The following LMOD1 variants were observed in gnomAD, a reference collection of about 807,000 sequenced individuals.
LMOD1 encodes leiomodin 1, also known as leiomodin-1.
LMOD1 carries 8 observed loss-of-function variants against 36.5 expected under a neutral mutation model. The observed-to-expected ratio is 0.22, with a 90% CI of 0.13 to 0.40. The LOEUF (loss-of-function observed/expected upper bound fraction) is 0.40. LMOD1 is among the 10% of genes least tolerant of loss of function. LMOD1 has a pLI of 1.00. For synonymous variants in LMOD1, 284 were observed against 288.7 expected (o/e 0.98, Z 0.17); for missense variants, 630 against 751.1 (o/e 0.84, Z 1.88).
chr1:201,932,325 A>G (rs1319200907), intron 1 of LMOD1, among the ~76,000 whole-genome samples: 1 of 152,184 alleles, frequency 6.6e-6, no homozygotes, highest in Non-Finnish European at 1.5e-5. Flanking sequence ...GAACAGATGA[A>G]TCCTGAGGTA....
intron 1 of LMOD1, among the ~76,000 whole-genome samples, chr1:201,901,546 A>ATATACATATATATATGTG (rs1681308643): frequency 2.3e-5 from 1 of 43,666 alleles, no homozygotes; most frequent in African/African-American, 1.2e-4. Flanking sequence ...ATATATATAT[A>ATATACATATATATATGTG]TATATACATA....
chr1:201,919,579 C>A (rs1020240830), intron 1 of LMOD1, among the ~76,000 whole-genome samples: 3 of 152,146 alleles, frequency 2.0e-5, no homozygotes, highest in Non-Finnish European at 4.4e-5. Context: ...CTGTATAAAG[C>A]AAGGTGACCC....
rs112766442 is a variant in LMOD1 at position 201,926,382 on chromosome 1, G to C, written c.261+19698C>G. On this transcript the variant is annotated intron_variant, in intron 1 of 2. Coordinates refer to ENST00000367288, the MANE Select transcript of LMOD1 (RefSeq NM_012134.3). ...AACTGTTCTGTTTATCATCTTGTTT[G>C]GCTGACTCCATCTCTCTGGGGATGG... Among the ~76,000 whole-genome samples the C allele has an allele frequency of 9.4e-3, 1,432 of 152,224 alleles. 28 individuals are homozygous for C. The highest frequency in any genetic ancestry group is 0.033 in the African/African-American group (1,370 of 41,516).
At chr1:201,928,188 A>C (rs1681861344) in intron 1 of LMOD1, among the ~76,000 whole-genome samples, 1 of 152,214 alleles carries the variant, frequency 6.6e-6, no homozygotes, top group Admixed American at 6.5e-5. Context: ...ACTTCTCTTC[A>C]TTATAAATCA....
In LMOD1 at chr1:201,918,650, G is replaced by A. The variant is rs563609206; in HGVS notation, c.262-17899C>T. On this transcript the variant is annotated intron_variant, in intron 1 of 2. Transcript: ENST00000367288. The stretch of plus-strand genomic sequence containing the variant: ...TGTCCTCTCGCTTTCTTCTCTGCCT[G>A]GCTAACACTTCTTCTTTTGTTCCTC... 1.6e-4 allele frequency among the ~76,000 whole-genome samples: 24 copies of A among 152,204 alleles called. No individual in the cohort carries two copies. In the South Asian group the frequency reaches 5.0e-3, roughly 32 times the overall value.
intron 1 of LMOD1, among the ~76,000 whole-genome samples, chr1:201,908,076 C>G (rs969019257): frequency 3.3e-5 from 5 of 152,198 alleles, no homozygotes; most frequent in Admixed American, 6.5e-5. Flanking sequence ...GCAGCCTCCC[C>G]CAAAAGGCCA....
chr1:201,933,270 C>T (rs1681956654), intron 1 of LMOD1, among the ~76,000 whole-genome samples: 2 of 151,744 alleles, frequency 1.3e-5, no homozygotes, highest in Non-Finnish European at 2.9e-5. Flanking sequence ...AAAAATTAGC[C>T]AGGCTTGGTG....
intron 1 of LMOD1, among the ~76,000 whole-genome samples, chr1:201,927,501 G>T (rs920051365): frequency 1.3e-5 from 2 of 151,912 alleles, no homozygotes; most frequent in Non-Finnish European, 2.9e-5. Context: ...AGAAGGCAGA[G>T]GTTGCAGTGA....
intron 1 of LMOD1, among the ~76,000 whole-genome samples, chr1:201,912,586 C>T (rs1185582505): frequency 2.0e-5 from 3 of 152,276 alleles, no homozygotes; most frequent in South Asian, 2.1e-4. Context: ...CAGCCAGGTG[C>T]GGTGGCTCAT....
intron 1 of LMOD1, among the ~76,000 whole-genome samples, chr1:201,924,724 A>AGAAG (rs1476065654): frequency 9.6e-5 from 13 of 135,202 alleles, no homozygotes; most frequent in African/African-American, 2.8e-4. Flanking sequence ...AAAGAAAGAA[A>AGAAG]GAAAGAAAAG....
At position 201,899,289 on chromosome 1, in the gene LMOD1, CG is replaced by C. The variant is rs1681247391; in HGVS notation, c.1723del (p.Arg575ValfsTer58). ...GCGGATGGCAGCCAATAGCTGGTCA[CG>C]GGAGTTCTTCTCCTGGGCAGGGAGG... ...KVLPAQEKNS[R>X]DQLLAAIRSS... is the part of the protein sequence containing the mutation. On this transcript the variant is annotated frameshift_variant, in exon 2 of 3. Coordinates refer to ENST00000367288, the MANE Select transcript of LMOD1 (RefSeq NM_012134.3). LOFTEE classifies it high-confidence loss of function. This position sits in a 1 kb window ranked among gnomAD's most constrained non-coding sequence, Gnocchi z 6.3. 6.2e-7 allele frequency: 1 copy of C among 1,606,956 alleles called. No individual in the cohort carries two copies.
intron 1 of LMOD1, among the ~76,000 whole-genome samples, chr1:201,919,297 TG>T (rs1428651608): frequency 6.6e-6 from 1 of 151,868 alleles, no homozygotes; most frequent in Non-Finnish European, 1.5e-5. Flanking sequence ...CTCCGCCTCC[TG>T]GGTTCAAGCA....
chr1:201,943,319 A>G (rs1017200358), intron 1 of LMOD1, among the ~76,000 whole-genome samples: 4 of 152,268 alleles, frequency 2.6e-5, no homozygotes, highest in African/African-American at 9.6e-5. Flanking sequence ...AAAAATACAC[A>G]TCTCCCAAGA....
At chr1:201,921,483 A>G in intron 1 of LMOD1, among the ~76,000 whole-genome samples, 1 of 52,106 alleles carries the variant, frequency 1.9e-5, no homozygotes, top group Admixed American at 3.0e-4. Context: ...GTGAGACTCC[A>G]TCTCAAAAAA....
At position 201,933,583 on chromosome 1, in the gene LMOD1, C is replaced by T. The variant is rs1304033356; in HGVS notation, c.261+12497G>A. 4.7e-3 allele frequency among the ~76,000 whole-genome samples: 548 copies of T among 116,640 alleles called. 6 individuals carry two copies. Among genetic ancestry groups the T allele is most frequent in the Non-Finnish European group, 7.2e-3 (405 of 56,180 alleles). The allele number at this position is 116,640 out of a possible 152,430, so 76.5% of individuals were successfully genotyped here. A position where few individuals can be genotyped will look rare whatever the true frequency, so the allele number is the denominator to read the frequency against. ...TACATATATATATTATATATGTACA[C>T]ATATACATACATTATATATATATAT... On this transcript the variant is annotated intron_variant, in intron 1 of 2. Coordinates refer to ENST00000367288, the MANE Select transcript of LMOD1 (RefSeq NM_012134.3).
chr1:201,943,671 C>T (rs1571595820), intron 1 of LMOD1, among the ~76,000 whole-genome samples: 1 of 152,206 alleles, frequency 6.6e-6, no homozygotes, highest in East Asian at 1.9e-4. Flanking sequence ...CCCACTTCAC[C>T]GGTTTCTGGG....
chr1:201,904,610 C>A (rs1342727749), intron 1 of LMOD1, among the ~76,000 whole-genome samples: 1 of 152,220 alleles, frequency 6.6e-6, no homozygotes, highest in Non-Finnish European at 1.5e-5. Context: ...ACCTCCCCTA[C>A]CCTGGGGTCC....
At chr1:201,945,548 C>G (rs879269351) in intron 1 of LMOD1, among the ~76,000 whole-genome samples, 1 of 152,162 alleles carries the variant, frequency 6.6e-6, no homozygotes, top group Non-Finnish European at 1.5e-5. Context: ...TCCCTGTCTC[C>G]CTTTGCTTTG....
intron 1 of LMOD1, among the ~76,000 whole-genome samples, chr1:201,902,927 T>C (rs1681355767): frequency 6.6e-6 from 1 of 152,194 alleles, no homozygotes; most frequent in African/African-American, 2.4e-5. Context: ...TAGACTTAAC[T>C]GTCCAACTGT....
Sources: allele counts gnomAD v4.1 joint callset (sites outside exome capture counted in the v4.1 genomes callset), GRCh38; gene constraint gnomAD v4.1.1; non-coding constraint Gnocchi (gnomAD v3.1); transcripts MANE v1.5; gene names NCBI Gene and HGNC (gene_info 2026-07-23, HGNC 2026-07-21).